Variants in MIP observed in about 807,000 individuals in gnomAD.
MIP encodes major intrinsic protein of lens fiber.
MIP carries 14 observed loss-of-function variants against 21.8 expected under a neutral mutation model. The observed-to-expected ratio is 0.64, with a 90% CI of 0.42 to 1.00. The LOEUF is 1.00. Among genes scored for constraint, MIP ranks in the 50% least tolerant of loss-of-function variants. The probability of loss-of-function intolerance (pLI) is 0.00; values close to 1 mark genes in which losing one functional copy is unlikely to be tolerated. For synonymous variants in MIP, 133 were observed against 141.4 expected, an observed-to-expected ratio of 0.94 and a Z score of 0.42; for missense variants, 260 against 333.5, an observed-to-expected ratio of 0.78 and a Z score of 1.72.
At chr12:56,453,833 A>G in intron 1 of MIP, 78 bp from the exon 2 acceptor site, 3 of 1,452,728 alleles carry the variant, frequency 2.1e-6, no homozygotes, top group Non-Finnish European at 2.8e-6. Context: ...CCCGGCAAGG[A>G]TCTCGTTACG....
chr12:56,454,783 A>T (rs758450850), upstream of MIP: 1 of 709,764 alleles, frequency 1.4e-6, no homozygotes, highest in Non-Finnish European at 2.3e-6. Context: ...CCTCCCCTAC[A>T]TGGTAAAAAT....
chr12:56,453,832 G>T, intron 1 of MIP, 77 bp from the exon 2 acceptor site: 4 of 1,465,968 alleles, frequency 2.7e-6, no homozygotes, highest in Non-Finnish European at 2.8e-6. Context: ...CCCCGGCAAG[G>T]ATCTCGTTAC....
chr12:56,453,494 T>C, intron 2 of MIP, 97 bp downstream of exon 2: 1 of 1,364,416 alleles, frequency 7.3e-7, no homozygotes, highest in Non-Finnish European at 1.0e-6. Flanking sequence ...AATGTTCATG[T>C]TTGACAGTGA....
chr12:56,453,588 T>C lies in MIP; in HGVS notation c.525+3A>G. The C allele has an allele frequency of 6.2e-7, 1 of 1,614,248 alleles. No individual in the cohort carries two copies. The highest frequency in any genetic ancestry group is 1.1e-5 in the South Asian group (1 of 91,092). On this transcript the variant is annotated splice_donor_region_variant and intron_variant, in intron 2 of 3. Transcript: ENST00000652304. ...ATGAGAAGTTGCTCTCCTTCCTGCT[T>C]ACCCCAAAGAGGTGCCCCAGGGCAA...
At position 56,454,216 on chromosome 12, in the gene MIP, G is replaced by A. The variant is rs753627755; in HGVS notation, c.360+38C>T. On this transcript the variant is annotated intron_variant, in intron 1 of 3. Coordinates refer to ENST00000652304, the MANE Select transcript of MIP (RefSeq NM_012064.4). ...GGGAGTCAGGGCAATAGAGAGACAGGACACCAGGTTCCCCATCCCCTCTCA... is the reference window on the plus strand; with the variant it reads ...GGGAGTCAGGGCAATAGAGAGACAGAACACCAGGTTCCCCATCCCCTCTCA... 3 of 1,613,598 alleles carry A rather than the reference G, an allele frequency of 1.9e-6. No individual in the cohort carries two copies. The Admixed American group carries it at 5.0e-5, about 27-fold the overall frequency.
rs1037327655 is a variant in MIP at position 56,451,346 on chromosome 12, G to A, written c.726C>T (p.Pro242=). Residue 242 remains proline (P), a synonymous_variant, in exon 4 of 4, where the codon CCC becomes CCT. Transcript: ENST00000652304. ...CCTCTGGTTGTCCATTGGAGACATC[G>A]GGTTTGGCACCCTTGAGGACAGACA... ...ERLSVLKGAK[P]DVSNGQPEVT... The A allele has an allele frequency of 4.3e-6, 7 of 1,614,038 alleles. No individual in the cohort carries two copies. The highest frequency in any genetic ancestry group is 5.9e-6 in the Non-Finnish European group (7 of 1,180,006).
chr12:56,455,662 G>T (rs1454743209), upstream of MIP, among the ~76,000 whole-genome samples: 1 of 152,198 alleles, frequency 6.6e-6, no homozygotes, highest in Middle Eastern at 3.2e-3. Flanking sequence ...AAAGTTTGGG[G>T]AAAGAGGTTC....
rs1180368759 is a variant in MIP, at chr12:56,451,386, C to G, written c.686G>C (p.Ser229Thr). The change falls in exon 4 of 4, where the codon AGT (serine) becomes ACT (threonine). Residue 229 changes from serine (S) to threonine (T), a missense_variant. Physicochemically the swap from Ser to Thr is moderately conservative, Grantham distance 58. Transcript: ENST00000652304. ...YDFLLFPRLK[S>T]ISERLSVLKG... ...GAGGACAGACAGTCTCTCAGAAATA[C>G]TCTTGAGCCGGGGGAAGAGAAGAAA... 17 of 1,614,034 alleles carry G rather than the reference C, an allele frequency of 1.1e-5. No homozygotes were observed. The highest frequency in any genetic ancestry group is 3.3e-5 in the Admixed American group (2 of 60,012).
rs578203828 is a variant in MIP at position 56,450,232 on chromosome 12, A to C, written c.*1048T>G. On this transcript the variant is annotated 3_prime_UTR_variant, in exon 4 of 4. Coordinates refer to ENST00000652304, the MANE Select transcript of MIP (RefSeq NM_012064.4). ...AAAAAAACACGGAACTAGTGATAAAAGCAGAAAGATGCCATTTGAGGAGTG... is the reference window on the plus strand; with the variant it reads ...AAAAAAACACGGAACTAGTGATAAACGCAGAAAGATGCCATTTGAGGAGTG... 1 of 152,214 alleles carries C rather than the reference A, an allele frequency of 6.6e-6. No homozygotes were observed. Among genetic ancestry groups the C allele is most frequent in the East Asian group, 1.9e-4 (1 of 5,206 alleles). The allele number at this position is 152,214 out of a possible 1,614,324, so 9.4% of individuals were successfully genotyped here. A position where few individuals can be genotyped will look rare whatever the true frequency, so the allele number is the denominator to read the frequency against.
Position 56,451,346 on chromosome 12 carries a change from G to C in MIP, c.726C>G (p.Pro242=). The C allele has an allele frequency of 6.2e-7, 1 of 1,614,038 alleles. No homozygotes were observed. Among genetic ancestry groups the C allele is most frequent in the Non-Finnish European group, 8.5e-7 (1 of 1,180,006 alleles). Reference sequence around the variant, plus strand: ...CCTCTGGTTGTCCATTGGAGACATCGGGTTTGGCACCCTTGAGGACAGACA... The same window carrying C: ...CCTCTGGTTGTCCATTGGAGACATCCGGTTTGGCACCCTTGAGGACAGACA... ...ERLSVLKGAK[P]DVSNGQPEVT... Residue 242 remains proline (P), a synonymous_variant, in exon 4 of 4, where the codon CCC becomes CCG. Transcript: ENST00000652304.
chr12:56,453,338 A>C (rs1446335747), intron 2 of MIP, among the ~76,000 whole-genome samples, 186 bp from the exon 3 acceptor site: 1 of 152,204 alleles, frequency 6.6e-6, no homozygotes, highest in Non-Finnish European at 1.5e-5. Context: ...CTGTCTGGGA[A>C]CAGACTATGG....
chr12:56,452,980 C>A, intron 3 of MIP, 92 bp downstream of exon 3: 1 of 882,260 alleles, frequency 1.1e-6, no homozygotes, highest in South Asian at 1.3e-5. Context: ...GCAGCCAACA[C>A]ACGCAGAAGG....
At chr12:56,453,207 T>G in intron 2 of MIP, 55 bp from the exon 3 acceptor site, 2 of 1,293,984 alleles carry the variant, frequency 1.5e-6, no homozygotes, top group South Asian at 2.4e-5. Flanking sequence ...CCAGCTTCTC[T>G]CCCCACAACC....
At chr12:56,455,337 G>A (rs78057756), upstream of MIP, among the ~76,000 whole-genome samples, 218 of 152,248 alleles carry the variant, frequency 1.4e-3, 1 homozygote, top group Admixed American at 3.7e-3. Context: ...TACAGGGACC[G>A]ACAGAGAGAA....
Position 56,451,190 on chromosome 12 carries a change from T to A in MIP, c.*90A>T. On this transcript the variant is annotated 3_prime_UTR_variant, in exon 4 of 4. Coordinates refer to ENST00000652304, the MANE Select transcript of MIP (RefSeq NM_012064.4). ...TAAAAAATAAAGAAGTACATGACCC[T>A]CCCCACAGTCTCTTTCTTCATCTAG... The A allele has an allele frequency of 1.3e-5, 14 of 1,054,422 alleles. No individual in the cohort carries two copies. The highest frequency in any genetic ancestry group is 1.7e-5 in the Non-Finnish European group (12 of 689,242). The allele number at this position is 1,054,422 out of a possible 1,614,324, so 65.3% of individuals were successfully genotyped here.
At chr12:56,455,274 C>G (rs546005901), upstream of MIP, among the ~76,000 whole-genome samples, 2 of 152,236 alleles carry the variant, frequency 1.3e-5, no homozygotes, top group Admixed American at 1.3e-4. Flanking sequence ...GTTCCCTACC[C>G]CCAGTCCATG....
upstream of MIP, among the ~76,000 whole-genome samples, chr12:56,455,089 T>C (rs1171478528): frequency 6.6e-6 from 1 of 151,756 alleles, no homozygotes; most frequent in Non-Finnish European, 1.5e-5. Context: ...GGGGTAAGGG[T>C]TGGGGGGAGT....
At chr12:56,456,229 A>G (rs2638329), upstream of MIP, among the ~76,000 whole-genome samples, 146,770 of 152,216 alleles carry the variant, frequency 0.96, 70,989 homozygotes, top group East Asian at 1. Flanking sequence ...CAGGGTTCAC[A>G]CTGCCTCCAG....
intron 1 of MIP, 22 bp from the exon 2 acceptor site, chr12:56,453,777 G>GGAA (rs756112297): frequency 6.2e-6 from 10 of 1,608,614 alleles, no homozygotes; most frequent in Non-Finnish European, 7.6e-6. Context: ...AAGAAGAAGA[G>GGAA]AGACAGCTCA....
Sources: allele counts gnomAD v4.1 joint callset (sites outside exome capture counted in the v4.1 genomes callset), GRCh38; gene constraint gnomAD v4.1.1; transcripts MANE v1.5; gene names NCBI Gene and HGNC (gene_info 2026-07-23, HGNC 2026-07-21).